Variants in PARP1 observed in about 807,000 individuals in gnomAD.
PARP1 encodes poly(ADP-ribose) polymerase 1, also known as poly [ADP-ribose] polymerase 1.
In PARP1, 44 loss-of-function variants were observed where a neutral mutation model predicts 118.7. The ratio of observed to expected loss-of-function variants is 0.37; its 90% CI spans 0.29 to 0.48. PARP1 has a LOEUF of 0.48. PARP1 is among the 20% of genes least tolerant of loss of function. The pLI, the probability that PARP1 is intolerant of heterozygous loss-of-function variation, is 0.99. For missense variants in PARP1, 1,100 were observed against 1,272.4 expected (o/e 0.86, Z 2.06); for synonymous variants, 492 against 483.2 (o/e 1.02, Z -0.24).
intron 2 of PARP1, 176 bp from the exon 3 acceptor site, chr1:226,392,490 GCTT>G (rs752856426): frequency 6.2e-5 from 40 of 641,194 alleles, no homozygotes; most frequent in Non-Finnish European, 8.2e-5. Flanking sequence ...AGCTAATAGA[GCTT>G]CTTTTCTGGA....
Position 226,368,311 on chromosome 1 carries a change from T to C in PARP1, c.2165A>G (p.Gln722Arg), listed in dbSNP as rs2102728941. ...CAGGATCTGAGAGTCGCTGCTGCCCTGAGACACCGCCTGGAGAGGAGGGGA... is the reference window on the plus strand; with the variant it reads ...CAGGATCTGAGAGTCGCTGCTGCCCCGAGACACCGCCTGGAGAGGAGGGGA... ...ILSEVQQAVS[Q>R]GSSDSQILDL... Residue 722 changes from glutamine to arginine, a missense_variant, in exon 16 of 23, where the codon CAG becomes CGG. By Grantham distance (43) the Gln-to-Arg change is conservative. Coordinates refer to ENST00000366794, the MANE Select transcript of PARP1 (RefSeq NM_001618.4). 1.2e-6 allele frequency: 2 copies of C among 1,614,160 alleles called. No homozygotes were observed. Among genetic ancestry groups the C allele is most frequent in the Non-Finnish European group, 1.7e-6 (2 of 1,180,030 alleles).
At chr1:226,395,036 A>T (rs1161295982) in intron 2 of PARP1, among the ~76,000 whole-genome samples, 2 of 152,246 alleles carry the variant, frequency 1.3e-5, no homozygotes, top group Non-Finnish European at 2.9e-5. Context: ...AAAAGTACTA[A>T]CAGGTCAACA....
At chr1:226,374,858 G>A (rs1044796121) in intron 13 of PARP1, among the ~76,000 whole-genome samples, 6 of 152,158 alleles carry the variant, frequency 3.9e-5, no homozygotes, top group African/African-American at 1.4e-4. Flanking sequence ...AGTCCCATGC[G>A]CTGCCAGCCA....
intron 5 of PARP1, among the ~76,000 whole-genome samples, chr1:226,387,023 C>T (rs1345448908): frequency 6.6e-6 from 1 of 152,202 alleles, no homozygotes; most frequent in Non-Finnish European, 1.5e-5. Context: ...CACTCTGTTG[C>T]CCAGACTGGA....
At chr1:226,371,658 C>G (rs932700195) in intron 14 of PARP1, among the ~76,000 whole-genome samples, 1 of 152,206 alleles carries the variant, frequency 6.6e-6, no homozygotes, top group Non-Finnish European at 1.5e-5. Flanking sequence ...AATAAAAGAA[C>G]AGAGTGACTT....
chr1:226,372,774 CAGAT>C (rs2102731381), intron 14 of PARP1, among the ~76,000 whole-genome samples: 1 of 152,286 alleles, frequency 6.6e-6, no homozygotes, highest in East Asian at 1.9e-4. Flanking sequence ...CTATGAATCA[CAGAT>C]AGACCAAGGT....
At chr1:226,407,734 C>T in intron 1 of PARP1, 76 bp downstream of exon 1, 1 of 1,304,254 alleles carries the variant, frequency 7.7e-7, no homozygotes, top group African/African-American at 1.6e-5. Flanking sequence ...CTGGGCCCGC[C>T]CTCCCCCAGC....
chr1:226,377,982 A>T (rs913159178), intron 12 of PARP1, among the ~76,000 whole-genome samples: 2 of 152,188 alleles, frequency 1.3e-5, no homozygotes, highest in African/African-American at 4.8e-5. Flanking sequence ...AGAACTACAG[A>T]TTTCAAAGAA....
At chr1:226,378,820 G>C (rs1473508243) in intron 12 of PARP1, among the ~76,000 whole-genome samples, 1 of 152,178 alleles carries the variant, frequency 6.6e-6, no homozygotes, top group African/African-American at 2.4e-5. Flanking sequence ...GGGTAACAGA[G>C]CGAGACTATT....
In PARP1 at chr1:226,368,259, C is replaced by T. The variant is rs746447487; in HGVS notation, c.2217G>A (p.Leu739=). ...TCTTCATCCCAAAGTCGTGGGGGAT[C>T]AGGGTGTAAAAGCGATTTGAGAGAT... is the stretch of plus-strand genomic sequence containing the variant. ...ILDLSNRFYT[L]IPHDFGMKKP... is the part of the protein sequence containing the mutation. The change falls in exon 16 of 23, where the codon CTG becomes CTA. Residue 739 remains leucine, a synonymous_variant. Coordinates refer to ENST00000366794, the MANE Select transcript of PARP1 (RefSeq NM_001618.4). 24 of 1,614,060 alleles carry T rather than the reference C, an allele frequency of 1.5e-5. No homozygotes were observed. The highest frequency in any genetic ancestry group is 8.5e-6 in the Non-Finnish European group (10 of 1,180,046).
chr1:226,403,928 G>T (rs747931419), intron 1 of PARP1, among the ~76,000 whole-genome samples: 7 of 152,204 alleles, frequency 4.6e-5, no homozygotes, highest in Non-Finnish European at 7.3e-5. Flanking sequence ...CAATGATAAG[G>T]TACCCCACTA....
chr1:226,407,702 A>AGGGCC, intron 1 of PARP1, 108 bp downstream of exon 1: 1 of 967,892 alleles, frequency 1.0e-6, no homozygotes, highest in Admixed American at 3.5e-5. Flanking sequence ...TGCCGCTCCG[A>AGGGCC]GGGCCCGGGC....
intron 7 of PARP1, 44 bp downstream of exon 7, chr1:226,385,460 G>C (rs774508421): frequency 1.6e-5 from 26 of 1,585,970 alleles, no homozygotes; most frequent in Non-Finnish European, 2.2e-5. Flanking sequence ...AGTGGGGCCA[G>C]GTTTTTCTCC....
chr1:226,373,731 G>A (rs1011119979), intron 14 of PARP1, among the ~76,000 whole-genome samples: 2 of 152,094 alleles, frequency 1.3e-5, no homozygotes, highest in Admixed American at 6.6e-5. Context: ...GGGCTATCTT[G>A]CACTTCCCAT....
At chr1:226,386,529 C>T in intron 5 of PARP1, 87 bp from the exon 6 acceptor site, 1 of 869,924 alleles carries the variant, frequency 1.1e-6, no homozygotes. Flanking sequence ...TGCTGAGCCT[C>T]CAGTTATACC....
In PARP1 at chr1:226,370,456, G is replaced by C; in HGVS notation, c.2132C>G (p.Ser711Cys). 2.5e-6 allele frequency: 4 copies of C among 1,614,006 alleles called. No individual in the cohort carries two copies. ...TACCTGCTGGACCTCACTGAGGATG[G>C]AGTATGCGGCCTGGATCTGCCTTTT... ...LSKRQIQAAY[S>C]ILSEVQQAVS... Residue 711 changes from serine to cysteine, a missense_variant, in exon 15 of 23, where the codon TCC becomes TGC. Around this residue, in one of 2 missense-constraint regions of PARP1, gnomAD observed 948 missense variants for 1,031.8 expected, o/e 0.92. Coordinates refer to ENST00000366794, the MANE Select transcript of PARP1 (RefSeq NM_001618.4).
At chr1:226,388,601 G>T in intron 5 of PARP1, 55 bp downstream of exon 5, 1 of 1,237,372 alleles carries the variant, frequency 8.1e-7, no homozygotes, top group Non-Finnish European at 1.2e-6. Flanking sequence ...CCCAGAATGA[G>T]AAAGAGAATC....
intron 8 of PARP1, among the ~76,000 whole-genome samples, chr1:226,381,656 T>C (rs1341732034): frequency 1.3e-5 from 2 of 152,156 alleles, no homozygotes; most frequent in Non-Finnish European, 2.9e-5. Flanking sequence ...GACATGTCCA[T>C]GATAGTCCCT....
chr1:226,379,492 G>T, intron 11 of PARP1, 81 bp downstream of exon 11: 1 of 1,224,156 alleles, frequency 8.2e-7, no homozygotes, highest in Non-Finnish European at 1.2e-6. Flanking sequence ...GGTATGCTGC[G>T]GGCATTTGGA....
Sources: gnomAD v4.1 joint callset for allele counts (sites outside exome capture counted in the v4.1 genomes callset) on GRCh38, gnomAD v4.1.1 for gene constraint, gnomAD v4.1.1 regional missense constraint, MANE v1.5 for transcripts, NCBI Gene and HGNC (gene_info 2026-07-23, HGNC 2026-07-21) for gene names.